USP37: variants seen among roughly 807,000 people sequenced by gnomAD.
USP37 encodes the protein ubiquitin specific peptidase 37.
A neutral mutation model predicts 124.0 loss-of-function variants in USP37; 27 were observed. The observed-to-expected ratio is 0.22, with a 90% CI of 0.16 to 0.30. The LOEUF (loss-of-function observed/expected upper bound fraction) is 0.30. USP37 is among the 10% of genes least tolerant of loss of function. The pLI is 1.00. For synonymous variants in USP37, 365 were observed against 388.0 expected (o/e 0.94, Z 0.70); for missense variants, 889 against 1,140.4 (o/e 0.78, Z 3.17).
chr2:218,531,338 C>T (rs944240028), intron 9 of USP37, among the ~76,000 whole-genome samples: 6 of 152,162 alleles, frequency 3.9e-5, no homozygotes, highest in African/African-American at 7.2e-5. Context: ...AATGGAACAA[C>T]GAAACCTAGA....
At chr2:218,489,854 T>C (rs1691826011) in intron 14 of USP37, among the ~76,000 whole-genome samples, 1 of 152,228 alleles carries the variant, frequency 6.6e-6, no homozygotes, top group Non-Finnish European at 1.5e-5. Flanking sequence ...AATGGGATTA[T>C]GCAATATGTT....
intron 5 of USP37, among the ~76,000 whole-genome samples, chr2:218,551,609 A>G (rs1003011844): frequency 2.0e-5 from 3 of 152,204 alleles, no homozygotes; most frequent in Non-Finnish European, 4.4e-5. Flanking sequence ...ATGTTGTTCA[A>G]TATTGGTCCC....
chr2:218,550,598 C>G (rs1160983709), intron 5 of USP37, among the ~76,000 whole-genome samples: 1 of 146,748 alleles, frequency 6.8e-6, no homozygotes, highest in Non-Finnish European at 1.5e-5. Context: ...TTAAACTAAA[C>G]TGACATTATT....
At chr2:218,512,081 G>A (rs777625177) in intron 10 of USP37, among the ~76,000 whole-genome samples, 1 of 151,908 alleles carries the variant, frequency 6.6e-6, no homozygotes, top group Non-Finnish European at 1.5e-5. Flanking sequence ...GTTTGGTTTG[G>A]TACTTAAAAA....
Position 218,476,747 on chromosome 2 carries a change from CTAAT to C in USP37, c.2043+89_2043+92del, listed in dbSNP as rs1430811640. The C allele has an allele frequency of 3.0e-6, 4 of 1,355,894 alleles. No homozygotes were observed. The East Asian group carries it at 1.1e-4, about 36-fold the overall frequency. The allele number at this position is 1,355,894 out of a possible 1,614,324, so 84.0% of individuals were successfully genotyped here. A position where few individuals can be genotyped will look rare whatever the true frequency, so the allele number is the denominator to read the frequency against. ...GCCAGAGAAGGCATTTTCTTTAAAA[CTAAT>C]TAGTTTGATGATGGTTATGAAAGAC... On this transcript the variant is annotated intron_variant, in intron 19 of 25. Coordinates refer to ENST00000258399, the MANE Select transcript of USP37 (RefSeq NM_020935.3).
chr2:218,523,332 C>G (rs568850972), intron 10 of USP37, among the ~76,000 whole-genome samples: 1 of 152,230 alleles, frequency 6.6e-6, no homozygotes, highest in South Asian at 2.1e-4. Flanking sequence ...CATCCCTAAT[C>G]TGAAAGTCTT....
rs752625753 is a variant in USP37 at position 218,479,676 on chromosome 2, G to A, written c.1875C>T (p.Cys625=). ...TTGAAGGTGTAGAAGGGCTGGTGAT[G>A]CAGGAATTCACCATTTGAGAGGCTT... ...PLKASQMVNS[C]ITSPSTPSKK... Residue 625 remains cysteine (C), a synonymous_variant, in exon 18 of 26, where the codon TGC becomes TGT. Transcript: ENST00000258399. 5 of 1,612,228 alleles carry A rather than the reference G, an allele frequency of 3.1e-6. No homozygotes were observed. The highest frequency in any genetic ancestry group is 1.3e-5 in the African/African-American group (1 of 74,812).
intron 11 of USP37, among the ~76,000 whole-genome samples, chr2:218,508,261 T>C (rs1364276826): frequency 6.6e-6 from 1 of 152,126 alleles, no homozygotes; most frequent in African/African-American, 2.4e-5. Context: ...GGTAGTTTTC[T>C]ACTCAGTTTT....
chr2:218,519,715 G>A (rs1459365666), intron 10 of USP37, among the ~76,000 whole-genome samples: 2 of 151,394 alleles, frequency 1.3e-5, no homozygotes, highest in Non-Finnish European at 2.9e-5. Flanking sequence ...TTGGCTACTC[G>A]GGAGACTGAG....
chr2:218,547,115 G>A lies in USP37; in HGVS notation c.430-24C>T, dbSNP rs752285258. The A allele has an allele frequency of 1.0e-5, 16 of 1,570,410 alleles. No individual in the cohort carries two copies. In the Admixed American group the frequency reaches 1.7e-4, roughly 17 times the overall value. On this transcript the variant is annotated intron_variant, in intron 6 of 25. Coordinates refer to ENST00000258399, the MANE Select transcript of USP37 (RefSeq NM_020935.3). Reference sequence around the variant, plus strand: ...GCCTGTAAAAATAAAGTTTGAGATAGTTAAATCTTCAAATTAACTGGAATA... The same window carrying A: ...GCCTGTAAAAATAAAGTTTGAGATAATTAAATCTTCAAATTAACTGGAATA...
At chr2:218,508,637 G>A (rs1378017386) in intron 11 of USP37, among the ~76,000 whole-genome samples, 1 of 152,150 alleles carries the variant, frequency 6.6e-6, no homozygotes, top group African/African-American at 2.4e-5. Context: ...ATGTTGTCTG[G>A]TTAGGAGGCA....
rs754405748 is a variant in USP37 at position 218,485,700 on chromosome 2, C to T, written c.1634G>A (p.Cys545Tyr). The change falls in exon 16 of 26, where the codon TGT becomes TAT. Residue 545 changes from cysteine to tyrosine, a missense_variant. Transcript: ENST00000258399. ...EYSCEKCGGK[C>Y]ALVRHKFNRL... Reference sequence around the variant, plus strand: ...GTTAAATTTGTGCCTGACAAGAGCACACTTCCCACCACACTTCTCACAAGA... The same window carrying T: ...GTTAAATTTGTGCCTGACAAGAGCATACTTCCCACCACACTTCTCACAAGA... The T allele has an allele frequency of 6.2e-7, 1 of 1,600,796 alleles. No homozygotes were observed. Among genetic ancestry groups the T allele is most frequent in the Admixed American group, 1.7e-5 (1 of 58,612 alleles).
intron 5 of USP37, among the ~76,000 whole-genome samples, chr2:218,552,275 GT>G (rs1266285339): frequency 1.3e-5 from 2 of 152,302 alleles, no homozygotes; most frequent in East Asian, 3.9e-4. Flanking sequence ...ATTTTCTGAT[GT>G]TTTTAATGTG....
At chr2:218,529,314 T>G (rs1035656782) in intron 10 of USP37, among the ~76,000 whole-genome samples, 1 of 152,158 alleles carries the variant, frequency 6.6e-6, no homozygotes, top group Non-Finnish European at 1.5e-5. Flanking sequence ...GAGATCAGCC[T>G]GGTCAATATG....
At chr2:218,527,441 G>C (rs549652959) in intron 10 of USP37, among the ~76,000 whole-genome samples, 11 of 152,218 alleles carry the variant, frequency 7.2e-5, no homozygotes, top group Admixed American at 7.2e-4. Flanking sequence ...TCCCAATCTC[G>C]TGCTGGTTTG....
chr2:218,477,259 T>C (rs1046450284), intron 18 of USP37, among the ~76,000 whole-genome samples: 3 of 152,352 alleles, frequency 2.0e-5, no homozygotes, highest in Admixed American at 6.5e-5. Flanking sequence ...AAATTTGCTA[T>C]TGTCTTTATA....
chr2:218,546,111 C>A, intron 8 of USP37, 110 bp downstream of exon 8: 4 of 903,232 alleles, frequency 4.4e-6, no homozygotes. Context: ...GCTCTTCCAT[C>A]TTTGGAATTC....
At chr2:218,514,816 C>A (rs1219926619) in intron 10 of USP37, among the ~76,000 whole-genome samples, 2 of 152,092 alleles carry the variant, frequency 1.3e-5, no homozygotes, top group East Asian at 3.9e-4. Context: ...AATTGGAATT[C>A]TTCTGTTAGG....
At chr2:218,505,693 T>G (rs1423332800) in intron 11 of USP37, among the ~76,000 whole-genome samples, 2 of 152,192 alleles carry the variant, frequency 1.3e-5, no homozygotes, top group African/African-American at 4.8e-5. Context: ...TTATTTCATC[T>G]TTTTGATTCA....
Sources: gnomAD v4.1 joint callset for allele counts (sites outside exome capture counted in the v4.1 genomes callset) on GRCh38, gnomAD v4.1.1 for gene constraint, MANE v1.5 for transcripts, NCBI Gene and HGNC (gene_info 2026-07-23, HGNC 2026-07-21) for gene names.